The following AGAP1 variants were observed in gnomAD, a reference collection of about 807,000 sequenced individuals.
AGAP1 encodes arf-GAP with GTPase, ANK repeat and PH domain-containing protein 1.
Under a neutral mutation model 105.3 loss-of-function variants are expected in AGAP1, and 29 were observed. The ratio of observed to expected loss-of-function variants is 0.28; its 90% CI spans 0.21 to 0.38. The LOEUF (loss-of-function observed/expected upper bound fraction) is 0.38. AGAP1 is among the 10% of genes least tolerant of loss of function. The pLI is 1.00. For missense variants in AGAP1, 998 were observed against 1,165.1 expected, an observed-to-expected ratio of 0.86 and a Z score of 2.09; for synonymous variants, 509 against 485.9, an observed-to-expected ratio of 1.05 and a Z score of -0.63.
At position 235,867,427 on chromosome 2, in the gene AGAP1, T is replaced by C. The variant is rs1303109882; in HGVS notation, c.1051-15918T>C. ...TGGGAGCTTGCCGGCCCCAGTCCCG[T>C]AGGATCCCCAACGCTAATAGTCTGG... On this transcript the variant is annotated intron_variant, in intron 9 of 17. Transcript: ENST00000304032. The surrounding 1 kb of genome is among the most constrained non-coding windows in gnomAD (Gnocchi z 5.4). Among the ~76,000 whole-genome samples the C allele has an allele frequency of 1.3e-5, 2 of 152,126 alleles. No homozygotes were observed. Among genetic ancestry groups the C allele is most frequent in the African/African-American group, 4.8e-5 (2 of 41,430 alleles).
intron 9 of AGAP1, chr2:235,852,617 T>A: frequency 7.6e-7 from 1 of 1,312,248 alleles, no homozygotes. Context: ...AGTTTATAAT[T>A]AATTAGCCAT....
At position 236,113,516 on chromosome 2, in the gene AGAP1, T is replaced by C. The variant is rs2059699805; in HGVS notation, c.2115-6676T>C. 6.6e-6 allele frequency among the ~76,000 whole-genome samples: 1 copy of C among 152,222 alleles called. No homozygotes were observed. The highest frequency in any genetic ancestry group is 2.1e-4 in the South Asian group (1 of 4,834). On this transcript the variant is annotated intron_variant, in intron 16 of 17. Transcript: ENST00000304032. The surrounding 1 kb of genome is among the most constrained non-coding windows in gnomAD (Gnocchi z 4.3). ...CAATAAAGTCAGTTACTGTCATCCT[T>C]AAGCCCACACTAAGTGCTCCGGTTA...
rs1023468513 is a variant in AGAP1, at chr2:235,788,652, C to G, written c.674-9107C>G. Among the ~76,000 whole-genome samples the G allele has an allele frequency of 6.6e-6, 1 of 152,044 alleles. No individual in the cohort carries two copies. Among genetic ancestry groups the G allele is most frequent in the African/African-American group, 2.4e-5 (1 of 41,402 alleles). The stretch of plus-strand genomic sequence containing the variant: ...TGCTTGGAACTGACTGGTGGGCGTC[C>G]TGTTGGTGCATGGGGCAGACTGAAG... On this transcript the variant is annotated intron_variant, in intron 6 of 17. Transcript: ENST00000304032. The surrounding 1 kb of genome is among the most constrained non-coding windows in gnomAD (Gnocchi z 6.0).
intron 1 of AGAP1, among the ~76,000 whole-genome samples, chr2:235,638,150 A>G (rs906880729): frequency 6.6e-6 from 1 of 152,330 alleles, no homozygotes; most frequent in South Asian, 2.1e-4. Context: ...AGGTGTGGGT[A>G]GACAGTCAGG....
chr2:235,646,533 C>T (rs938697451), intron 1 of AGAP1, among the ~76,000 whole-genome samples: 6 of 152,116 alleles, frequency 3.9e-5, no homozygotes, highest in Non-Finnish European at 5.9e-5. Context: ...CATGTAGGAA[C>T]GGGGGGCATT....
chr2:235,542,077 AGTTGTT>A (rs1311443688), intron 1 of AGAP1, among the ~76,000 whole-genome samples: 1 of 152,234 alleles, frequency 6.6e-6, no homozygotes, highest in Non-Finnish European at 1.5e-5. Flanking sequence ...CCAGGATGGA[AGTTGTT>A]ATCCTTTGTG....
intron 1 of AGAP1, among the ~76,000 whole-genome samples, chr2:235,545,048 C>G (rs1943577946): frequency 6.6e-6 from 1 of 152,190 alleles, no homozygotes; most frequent in Admixed American, 6.5e-5. Flanking sequence ...AACCTTCCGT[C>G]CCAACCTTCC....
intron 6 of AGAP1, among the ~76,000 whole-genome samples, chr2:235,781,605 T>G (rs1272658458): frequency 3.3e-5 from 5 of 152,292 alleles, no homozygotes; most frequent in African/African-American, 9.6e-5. Flanking sequence ...GCAGACAGTT[T>G]TTCACTGGAC....
In AGAP1 at chr2:235,635,456, G is replaced by C. The variant is rs368903091; in HGVS notation, c.164-73723G>C. On this transcript the variant is annotated intron_variant, in intron 1 of 17. Coordinates refer to ENST00000304032, the MANE Select transcript of AGAP1 (RefSeq NM_001037131.3). This position sits in a 1 kb window ranked among gnomAD's most constrained non-coding sequence, Gnocchi z 5.3. ...ATTACTCTGAAAATTTGTCATTTTG[G>C]TGTGGTGAATTCGTTCTTTTATTCA... Among the ~76,000 whole-genome samples the C allele has an allele frequency of 6.6e-6, 1 of 152,114 alleles. No homozygotes were observed. Among genetic ancestry groups the C allele is most frequent in the South Asian group, 2.1e-4 (1 of 4,828 alleles).
At chr2:235,938,535 CAG>C (rs1291513350) in intron 12 of AGAP1, among the ~76,000 whole-genome samples, 2 of 152,166 alleles carry the variant, frequency 1.3e-5, no homozygotes, top group African/African-American at 2.4e-5. Flanking sequence ...CAAATTGAAA[CAG>C]AGATAAAATC....
intron 11 of AGAP1, among the ~76,000 whole-genome samples, chr2:235,928,257 G>A (rs970986987): frequency 5.3e-5 from 8 of 152,212 alleles, no homozygotes; most frequent in South Asian, 2.1e-4. Flanking sequence ...GGGAAGCCCC[G>A]GCAGCCACTC....
chr2:235,955,516 C>T (rs577399813), intron 12 of AGAP1, among the ~76,000 whole-genome samples: 8 of 152,326 alleles, frequency 5.3e-5, no homozygotes, highest in African/African-American at 1.7e-4. Flanking sequence ...CACAGAAGTA[C>T]TGATTTATGG....
intron 1 of AGAP1, among the ~76,000 whole-genome samples, chr2:235,511,845 AGT>A (rs1942132087): frequency 6.8e-6 from 1 of 146,608 alleles, no homozygotes; most frequent in African/African-American, 2.5e-5. Flanking sequence ...TGAATGTATG[AGT>A]GTGGATGTGT....
intron 1 of AGAP1, among the ~76,000 whole-genome samples, chr2:235,704,651 G>C (rs750771985): frequency 2.0e-5 from 3 of 152,134 alleles, no homozygotes; most frequent in Non-Finnish European, 4.4e-5. Context: ...TCTCAAAAAA[G>C]AAATGCCGAT....
chr2:236,023,591 G>A (rs1352041340), intron 13 of AGAP1, among the ~76,000 whole-genome samples: 1 of 152,162 alleles, frequency 6.6e-6, no homozygotes, highest in African/African-American at 2.4e-5. Flanking sequence ...CAGGAGTGGA[G>A]AAGATGGTTA....
chr2:235,802,715 GTTGTGGTTGTGATGGTGATGGTTGTGA>G (rs1366015140), intron 8 of AGAP1, among the ~76,000 whole-genome samples: 10 of 149,308 alleles, frequency 6.7e-5, no homozygotes, highest in Non-Finnish European at 4.5e-5. Flanking sequence ...GATAATGATG[GTTGTGGTTGTGATGGTGATGGTTGTGA>G]TGGTGGTGGT....
At chr2:235,822,426 A>G (rs552621129) in intron 9 of AGAP1, among the ~76,000 whole-genome samples, 1 of 151,856 alleles carries the variant, frequency 6.6e-6, no homozygotes, top group East Asian at 1.9e-4. Flanking sequence ...GGTGAGGGGG[A>G]GATGGAGAAA....
intron 6 of AGAP1, among the ~76,000 whole-genome samples, chr2:235,757,253 C>G (rs975004601): frequency 6.6e-6 from 1 of 152,250 alleles, no homozygotes; most frequent in African/African-American, 2.4e-5. Flanking sequence ...TGTCCTAGAA[C>G]AGATCTGCAT....
Position 235,767,876 on chromosome 2 carries a change from C to T in AGAP1, c.673+17388C>T, listed in dbSNP as rs559565054. ...TTGGACTCACTGCAACCTCCGCCTC[C>T]GAGGTTCAAGCAATTCTCCTGCCTC... On this transcript the variant is annotated intron_variant, in intron 6 of 17. Coordinates refer to ENST00000304032, the MANE Select transcript of AGAP1 (RefSeq NM_001037131.3). 2.3e-3 allele frequency among the ~76,000 whole-genome samples: 353 copies of T among 150,698 alleles called. 1 individual carries two copies. The highest frequency in any genetic ancestry group is 8.2e-3 in the African/African-American group (335 of 41,014).
Sources: allele counts gnomAD v4.1 joint callset (sites outside exome capture counted in the v4.1 genomes callset), GRCh38; gene constraint gnomAD v4.1.1; non-coding constraint Gnocchi (gnomAD v3.1); transcripts MANE v1.5; gene names NCBI Gene and HGNC (gene_info 2026-07-23, HGNC 2026-07-21).